NUP155: variants seen among roughly 807,000 people sequenced by gnomAD.
The protein encoded by NUP155 is nucleoporin 155.
NUP155 carries 71 observed loss-of-function variants against 180.4 expected under a neutral mutation model. The ratio of observed to expected loss-of-function variants is 0.39; its 90% confidence interval spans 0.33 to 0.48. NUP155 has a LOEUF of 0.48. NUP155 is among the 20% of genes least tolerant of loss of function. The pLI is 0.91. For missense variants in NUP155, 1,553 were observed against 1,648.9 expected, an observed-to-expected ratio of 0.94 and a Z score of 1.01; for synonymous variants, 582 against 559.5, an observed-to-expected ratio of 1.04 and a Z score of -0.57.
intron 1 of NUP155, among the ~76,000 whole-genome samples, chr5:37,369,426 G>T (rs775504357): frequency 1.3e-5 from 2 of 152,202 alleles, no homozygotes; most frequent in African/African-American, 2.4e-5. Flanking sequence ...TAAATTCTCT[G>T]TAATCAGAGC....
In NUP155 at chr5:37,291,646, A is replaced by AT. The variant is rs199686529; in HGVS notation, c.*253dup. 1.1e-5 allele frequency: 4 copies of AT among 348,106 alleles called. No individual in the cohort carries two copies. Among genetic ancestry groups the AT allele is most frequent in the African/African-American group, 2.2e-5 (1 of 45,970 alleles). 21.6% of individuals were successfully genotyped at this position (348,106 alleles called of 1,614,324 possible). A position where few individuals can be genotyped will look rare whatever the true frequency, so the allele number is the denominator to read the frequency against. The stretch of plus-strand genomic sequence containing the variant: ...TACAATTCAAAATAAGAGTTTCTAA[A>AT]TTTTTTTAATCCTTATGTTAAAATA... On this transcript the variant is annotated 3_prime_UTR_variant, in exon 35 of 35. Coordinates refer to ENST00000231498, the MANE Select transcript of NUP155 (RefSeq NM_153485.3).
chr5:37,319,961 T>C (rs1162065467), intron 20 of NUP155, among the ~76,000 whole-genome samples: 3 of 151,662 alleles, frequency 2.0e-5, no homozygotes, highest in South Asian at 2.1e-4. Flanking sequence ...GGAGGGAGCA[T>C]AACTTGAGGC....
chr5:37,298,786 C>G, intron 32 of NUP155, 82 bp downstream of exon 32: 1 of 790,762 alleles, frequency 1.3e-6, no homozygotes, highest in South Asian at 1.4e-5. Context: ...TTATTTTACT[C>G]GAAAGATCGT....
intron 17 of NUP155, 67 bp downstream of exon 17, chr5:37,328,291 C>T (rs951218276): frequency 1.8e-6 from 2 of 1,122,792 alleles, no homozygotes; most frequent in African/African-American, 1.5e-5. Flanking sequence ...TCACACTAAG[C>T]ATTAAGGTTA....
chr5:37,315,147 G>T (rs1393022943), intron 21 of NUP155, among the ~76,000 whole-genome samples: 2 of 152,194 alleles, frequency 1.3e-5, no homozygotes, highest in Admixed American at 1.3e-4. Context: ...CAGGAGAATC[G>T]CTTGGACCTG....
rs1215045366 is a variant in NUP155 at position 37,352,839 on chromosome 5, A to G, written c.464-10T>C. The G allele has an allele frequency of 1.9e-6, 3 of 1,595,148 alleles. No individual in the cohort carries two copies. Among genetic ancestry groups the G allele is most frequent in the Non-Finnish European group, 2.6e-6 (3 of 1,163,000 alleles). On this transcript the variant is annotated splice_polypyrimidine_tract_variant and intron_variant, in intron 4 of 34. Transcript: ENST00000231498. ...TGAGGTTGAAAGATGCCTAAGATAA[A>G]GTAGACACAGGGCAGGAATACTTTC...
At position 37,312,849 on chromosome 5, in the gene NUP155, T is replaced by C. The variant is rs190976656; in HGVS notation, c.2436+1349A>G. ...TGTCTCAAGAAAAACTGGTAACTGA[T>C]CATGACATTGTTGTTGTTCAAGGAA... is the stretch of plus-strand genomic sequence containing the variant. On this transcript the variant is annotated intron_variant, in intron 22 of 34. Transcript: ENST00000231498. Among the ~76,000 whole-genome samples the C allele has an allele frequency of 3.3e-3, 508 of 152,078 alleles. 1 individual carries two copies. The highest frequency in any genetic ancestry group is 5.7e-3 in the Non-Finnish European group (386 of 68,004).
intron 15 of NUP155, 128 bp from the exon 16 acceptor site, chr5:37,329,406 T>C: frequency 1.4e-6 from 1 of 732,468 alleles, no homozygotes. Context: ...CAATGTATTG[T>C]GCTGACAGTA....
chr5:37,341,431 G>A (rs1041073047), intron 10 of NUP155, among the ~76,000 whole-genome samples, 189 bp from the exon 11 acceptor site: 4 of 152,294 alleles, frequency 2.6e-5, no homozygotes, highest in East Asian at 1.9e-4. Context: ...GCGCCATCTC[G>A]GCTTACTGCA....
At chr5:37,362,525 T>C (rs1489705500) in intron 3 of NUP155, among the ~76,000 whole-genome samples, 1 of 152,136 alleles carries the variant, frequency 6.6e-6, no homozygotes, top group Admixed American at 6.6e-5. Flanking sequence ...CGACTGCAGG[T>C]GATCTGCCTG....
chr5:37,351,893 T>C lies in NUP155; in HGVS notation c.557-537A>G, dbSNP rs571099408. Among the ~76,000 whole-genome samples, 12 of 151,670 alleles carry C rather than the reference T, an allele frequency of 7.9e-5. No homozygotes were observed. The East Asian group carries it at 1.4e-3, about 17-fold the overall frequency. ...GTGAGTGTGTGTGTGTGTGTGTGTGTGCCTGTGTGTTTATTATATAGTAAG... is the reference window on the plus strand; with the variant it reads ...GTGAGTGTGTGTGTGTGTGTGTGTGCGCCTGTGTGTTTATTATATAGTAAG... On this transcript the variant is annotated intron_variant, in intron 5 of 34. Transcript: ENST00000231498.
chr5:37,326,321 C>T (rs1387323585), intron 18 of NUP155, among the ~76,000 whole-genome samples: 1 of 152,132 alleles, frequency 6.6e-6, no homozygotes, highest in Non-Finnish European at 1.5e-5. Flanking sequence ...GGCATGATAG[C>T]TAACTAAGAT....
At chr5:37,344,869 C>T (rs1490681157) in intron 9 of NUP155, among the ~76,000 whole-genome samples, 12 of 135,226 alleles carry the variant, frequency 8.9e-5, no homozygotes, top group African/African-American at 3.2e-4. Context: ...AAGACTCCAT[C>T]TCAAAAAAAA....
At chr5:37,351,449 ATTC>A in intron 5 of NUP155, 93 bp from the exon 6 acceptor site, 1 of 964,062 alleles carries the variant, frequency 1.0e-6, no homozygotes, top group Admixed American at 2.3e-5. Flanking sequence ...TGTTTACTCA[ATTC>A]TTTTTTTTTT....
chr5:37,290,048 T>C lies in NUP155; in HGVS notation c.*1852A>G, dbSNP rs1742167724. The C allele has an allele frequency of 6.6e-6, 1 of 152,026 alleles. No individual in the cohort carries two copies. 9.4% of individuals were successfully genotyped at this position (152,026 alleles called of 1,614,324 possible). Reference sequence around the variant, plus strand: ...GGGAGCTGAATTCTAAGAGAACAAATGTAGAGAAGGCAACCCTATGGTCTT... The same window carrying C: ...GGGAGCTGAATTCTAAGAGAACAAACGTAGAGAAGGCAACCCTATGGTCTT... On this transcript the variant is annotated 3_prime_UTR_variant, in exon 35 of 35. Transcript: ENST00000231498.
chr5:37,351,871 AGTGTGTGT>A (rs141685160), intron 5 of NUP155, among the ~76,000 whole-genome samples: 14 of 148,630 alleles, frequency 9.4e-5, no homozygotes, highest in Admixed American at 6.7e-4. Flanking sequence ...AGAGTGTGTG[AGTGTGTGT>A]GTGTGTGTGT....
intron 7 of NUP155, 145 bp from the exon 8 acceptor site, chr5:37,349,390 G>A: frequency 2.9e-6 from 1 of 339,264 alleles, no homozygotes; most frequent in South Asian, 4.6e-5. Flanking sequence ...TTAAATCCTA[G>A]GATGTTTGCA....
Position 37,364,337 on chromosome 5 carries a change from C to A in NUP155, c.205G>T (p.Gly69Ter). Residue 69 changes from glycine (G) to a stop codon, truncating the protein, a stop_gained, in exon 2 of 35, where the codon GGA becomes TGA. Coordinates refer to ENST00000231498, the MANE Select transcript of NUP155 (RefSeq NM_153485.3). LOFTEE classifies it high-confidence loss of function. ...GMSDMDYPLQGPGLLSVPNLP... is the reference protein window; with the variant it reads ...GMSDMDYPLQ The stretch of plus-strand genomic sequence containing the variant: ...TTGGGTACGGACAGCAAACCAGGTC[C>A]TTGCAAAGGATAATCCATATCTGAC... 2 of 1,611,268 alleles carry A rather than the reference C, an allele frequency of 1.2e-6. No homozygotes were observed. The highest frequency in any genetic ancestry group is 8.5e-7 in the Non-Finnish European group (1 of 1,177,436).
At position 37,365,738 on chromosome 5, in the gene NUP155, A is replaced by ATAT. The variant is rs1294810603; in HGVS notation, c.158-1355_158-1354insATA. ...GAAAAAAAAAAAAAAAAAAAAAAAA[A>ATAT]ATATATATATATATACACACACACA... On this transcript the variant is annotated intron_variant, in intron 1 of 34. Transcript: ENST00000231498. Among the ~76,000 whole-genome samples the ATAT allele has an allele frequency of 3.6e-3, 135 of 37,114 alleles. 3 individuals carry two copies. The highest frequency in any genetic ancestry group is 0.012 in the Admixed American group (22 of 1,904). 24.3% of individuals were successfully genotyped at this position (37,114 alleles called of 152,430 possible).
Sources: allele counts gnomAD v4.1 joint callset (sites outside exome capture counted in the v4.1 genomes callset), GRCh38; gene constraint gnomAD v4.1.1; transcripts MANE v1.5; gene names NCBI Gene and HGNC (gene_info 2026-07-23, HGNC 2026-07-21).